The following GALNT17 variants were observed in gnomAD, a reference collection of about 807,000 sequenced individuals.
GALNT17 encodes polypeptide N-acetylgalactosaminyltransferase 17.
Under a neutral mutation model 63.7 loss-of-function variants are expected in GALNT17, and 29 were observed. That is an observed-to-expected ratio of 0.46 (90% CI 0.34 to 0.62). The LOEUF is 0.62. GALNT17 is among the 20% of genes least tolerant of loss of function. GALNT17 has a pLI of 0.01. For synonymous variants in GALNT17, 305 were observed against 318.3 expected (o/e 0.96, Z 0.45); for missense variants, 603 against 799.6 (o/e 0.75, Z 2.97).
At chr7:71,601,628 A>G (rs572067866) in intron 6 of GALNT17, among the ~76,000 whole-genome samples, 8 of 152,082 alleles carry the variant, frequency 5.3e-5, no homozygotes, top group Non-Finnish European at 1.2e-4. Flanking sequence ...AAAAATATGT[A>G]TATATAATTA....
chr7:71,605,451 T>C (rs1394635139), intron 6 of GALNT17, among the ~76,000 whole-genome samples: 3 of 151,950 alleles, frequency 2.0e-5, no homozygotes, highest in Non-Finnish European at 4.4e-5. Context: ...CTGGGCGTGG[T>C]GGCGTGCGCT....
At chr7:71,315,252 A>G (rs79137533) in intron 1 of GALNT17, among the ~76,000 whole-genome samples, 1,849 of 151,968 alleles carry the variant, frequency 0.012, 41 homozygotes, top group African/African-American at 0.041. Flanking sequence ...GATACACCAC[A>G]TTTTGTTTAT....
chr7:71,185,244 C>T (rs1396963504), intron 1 of GALNT17, among the ~76,000 whole-genome samples: 1 of 150,868 alleles, frequency 6.6e-6, no homozygotes, highest in Admixed American at 6.6e-5. Flanking sequence ...CTCTCTCTGC[C>T]TCCCAGGCTG....
chr7:71,623,501 T>C (rs2116975447), intron 6 of GALNT17, among the ~76,000 whole-genome samples: 1 of 152,176 alleles, frequency 6.6e-6, no homozygotes, highest in Middle Eastern at 3.4e-3. Flanking sequence ...CACTGCAACC[T>C]CTGCACCCTG....
intron 1 of GALNT17, among the ~76,000 whole-genome samples, chr7:71,180,391 T>A (rs1788714577): frequency 6.6e-6 from 1 of 152,124 alleles, no homozygotes; most frequent in East Asian, 1.9e-4. Flanking sequence ...CCTCCCAAAG[T>A]GCTAGGATTA....
intron 6 of GALNT17, among the ~76,000 whole-genome samples, chr7:71,579,511 A>G (rs1400715401): frequency 6.6e-6 from 1 of 152,252 alleles, no homozygotes; most frequent in Non-Finnish European, 1.5e-5. Context: ...AAGGAAATAT[A>G]GCCTAGTCTA....
intron 1 of GALNT17, among the ~76,000 whole-genome samples, chr7:71,241,905 G>A (rs969979172): frequency 3.3e-4 from 50 of 151,974 alleles, no homozygotes; most frequent in Non-Finnish European, 5.6e-4. Flanking sequence ...AAGAATACCC[G>A]AGGGTTGGTA....
chr7:71,368,882 G>A (rs1792563144), intron 2 of GALNT17, among the ~76,000 whole-genome samples: 1 of 144,292 alleles, frequency 6.9e-6, no homozygotes, highest in Admixed American at 6.9e-5. Flanking sequence ...TCAGTGATAA[G>A]CATTGAGGCG....
rs187838968 is a variant in GALNT17, at chr7:71,693,678, G to A, written c.1500+16372G>A. Among the ~76,000 whole-genome samples, 357 of 151,758 alleles carry A rather than the reference G, an allele frequency of 2.4e-3. 4 individuals are homozygous for A. Among genetic ancestry groups the A allele is most frequent in the Admixed American group, 0.018 (271 of 15,226 alleles). ...GGGGGTGGAGGGTGGTAGGAGGGAG[G>A]GGATCAGGAAAAATATTAAATAGCT... On this transcript the variant is annotated intron_variant, in intron 9 of 10. Coordinates refer to ENST00000333538, the MANE Select transcript of GALNT17 (RefSeq NM_022479.3).
At chr7:71,550,503 C>T (rs911357586) in intron 5 of GALNT17, among the ~76,000 whole-genome samples, 1 of 152,082 alleles carries the variant, frequency 6.6e-6, no homozygotes, top group African/African-American at 2.4e-5. Context: ...GCCTCAGCCT[C>T]TTGAGTAGCT....
chr7:71,356,721 G>C (rs1214491241), intron 2 of GALNT17, among the ~76,000 whole-genome samples: 1 of 152,154 alleles, frequency 6.6e-6, no homozygotes, highest in Non-Finnish European at 1.5e-5. Context: ...CCAACTTTGG[G>C]AATCAGATTT....
intron 3 of GALNT17, among the ~76,000 whole-genome samples, chr7:71,397,587 G>A (rs1466745914): frequency 1.3e-5 from 2 of 152,318 alleles, no homozygotes; most frequent in African/African-American, 4.8e-5. Flanking sequence ...CAGGAGCAGT[G>A]TTAAAAATGA....
At chr7:71,172,216 A>G (rs923159959) in intron 1 of GALNT17, among the ~76,000 whole-genome samples, 1 of 152,172 alleles carries the variant, frequency 6.6e-6, no homozygotes, top group African/African-American at 2.4e-5. Context: ...TTGTAATCCC[A>G]GCACTTTGAG....
chr7:71,162,410 A>G (rs1485344393), intron 1 of GALNT17, among the ~76,000 whole-genome samples: 3 of 147,424 alleles, frequency 2.0e-5, no homozygotes, highest in Non-Finnish European at 4.4e-5. Context: ...GAGTTCATCC[A>G]TCCATCCATC....
In GALNT17 at chr7:71,271,407, G is replaced by A. The variant is rs1022081348; in HGVS notation, c.239-64143G>A. Among the ~76,000 whole-genome samples the A allele has an allele frequency of 9.2e-5, 14 of 152,182 alleles. 1 individual carries two copies. The highest frequency in any genetic ancestry group is 4.6e-4 in the Admixed American group (7 of 15,284). ...CCCAAAGGGGTGGCACTGACCAGTG[G>A]CCACGTGGCTCCCTGGGCCTGTTCA... On this transcript the variant is annotated intron_variant, in intron 1 of 10. Transcript: ENST00000333538.
chr7:71,525,912 G>T (rs1788616789), intron 5 of GALNT17, among the ~76,000 whole-genome samples: 1 of 151,232 alleles, frequency 6.6e-6, no homozygotes, highest in Admixed American at 6.6e-5. Context: ...CTTAATTTTT[G>T]TATTTTTAGT....
At chr7:71,183,484 C>G (rs1025527076) in intron 1 of GALNT17, among the ~76,000 whole-genome samples, 1 of 152,180 alleles carries the variant, frequency 6.6e-6, no homozygotes, top group African/African-American at 2.4e-5. Flanking sequence ...AAAGAGTGTT[C>G]CTGTTAAGAT....
At position 71,432,554 on chromosome 7, in the gene GALNT17, C is replaced by T. The variant is rs527633697; in HGVS notation, c.962+11449C>T. 4.7e-4 allele frequency among the ~76,000 whole-genome samples: 71 copies of T among 152,302 alleles called. 1 individual carries two copies. Among genetic ancestry groups the T allele is most frequent in the Non-Finnish European group, 8.5e-4 (58 of 68,024 alleles). On this transcript the variant is annotated intron_variant, in intron 5 of 10. Coordinates refer to ENST00000333538, the MANE Select transcript of GALNT17 (RefSeq NM_022479.3). ...GAAGCTGATCCAGGGCCAGTTCTTT[C>T]TCTGGATTGTGCGGGGTTTAGACAA...
intron 6 of GALNT17, among the ~76,000 whole-genome samples, chr7:71,611,034 C>T (rs6971016): frequency 0.97 from 146,766 of 150,740 alleles, 71,573 homozygotes; most frequent in East Asian, 1. Flanking sequence ...CTCTGAGCTT[C>T]TGTCTGATCT....
Sources: allele counts gnomAD v4.1 joint callset (sites outside exome capture counted in the v4.1 genomes callset), GRCh38; gene constraint gnomAD v4.1.1; transcripts MANE v1.5; gene names NCBI Gene and HGNC (gene_info 2026-07-23, HGNC 2026-07-21).